PCDH9: variants seen among roughly 807,000 people sequenced by gnomAD.
The protein encoded by PCDH9 is protocadherin-9.
Under a neutral mutation model 70.6 loss-of-function variants are expected in PCDH9, and 24 were observed. The observed-to-expected ratio is 0.34, with a 90% CI of 0.25 to 0.48. The LOEUF is 0.48. Ranked by LOEUF, PCDH9 falls within the 20% of genes least tolerant of loss-of-function variation. The pLI is 0.99. For synonymous variants in PCDH9, 562 were observed against 558.5 expected, an observed-to-expected ratio of 1.01 and a Z score of -0.09; for missense variants, 1,281 against 1,503.6, an observed-to-expected ratio of 0.85 and a Z score of 2.45.
intron 2 of PCDH9, among the ~76,000 whole-genome samples, chr13:67,131,259 T>C (rs530020983): frequency 2.0e-5 from 3 of 152,240 alleles, no homozygotes; most frequent in Admixed American, 6.5e-5. Context: ...AATGTGAGGA[T>C]TGTAGAAGAG....
intron 2 of PCDH9, among the ~76,000 whole-genome samples, chr13:67,108,264 C>T (rs963308799): frequency 6.6e-6 from 1 of 152,120 alleles, no homozygotes; most frequent in Non-Finnish European, 1.5e-5. Context: ...AGGTTTCTGG[C>T]TGGCAAATTG....
intron 4 of PCDH9, among the ~76,000 whole-genome samples, chr13:66,381,056 C>CA (rs1000427644): frequency 1.1e-4 from 17 of 151,902 alleles, no homozygotes; most frequent in Admixed American, 1.1e-3. Context: ...TTACTCTTGT[C>CA]AAAAAAATAG....
chr13:66,685,541 C>T (rs983968117), intron 3 of PCDH9, among the ~76,000 whole-genome samples: 1 of 152,204 alleles, frequency 6.6e-6, no homozygotes, highest in Non-Finnish European at 1.5e-5. Flanking sequence ...CACAGAGTCC[C>T]CACTGGGGTA....
intron 4 of PCDH9, among the ~76,000 whole-genome samples, chr13:66,486,808 A>T (rs1226592867): frequency 2.0e-5 from 3 of 152,186 alleles, no homozygotes; most frequent in Non-Finnish European, 2.9e-5. Flanking sequence ...CAATCTGGCT[A>T]AAGGTTTATG....
intron 3 of PCDH9, among the ~76,000 whole-genome samples, chr13:66,662,890 C>T (rs9599126): frequency 0.036 from 5,408 of 152,258 alleles, 142 homozygotes; most frequent in East Asian, 0.066. Context: ...AATTGAAACA[C>T]TTCTATCATA....
intron 2 of PCDH9, among the ~76,000 whole-genome samples, chr13:66,989,104 G>T (rs968823180): frequency 8.6e-5 from 13 of 151,832 alleles, no homozygotes; most frequent in Non-Finnish European, 1.9e-4. Flanking sequence ...TTGGGGGCAG[G>T]AATTAAAGAT....
At chr13:67,130,439 A>T (rs17517286) in intron 2 of PCDH9, among the ~76,000 whole-genome samples, 1 of 152,086 alleles carries the variant, frequency 6.6e-6, no homozygotes, top group South Asian at 2.1e-4. Flanking sequence ...TCTAAAATCT[A>T]AAAAAGGTAT....
Position 66,700,917 on chromosome 13 carries a change from CATATAAATATATATATATATATAT to C in PCDH9, c.3139-69530_3139-69507del, listed in dbSNP as rs1256570504. 3.4e-3 allele frequency among the ~76,000 whole-genome samples: 174 copies of C among 51,772 alleles called. 3 individuals are homozygous for C. The highest frequency in any genetic ancestry group is 0.016 in the Middle Eastern group (1 of 62). The allele number at this position is 51,772 out of a possible 152,430, so 34.0% of individuals were successfully genotyped here. ...ATATATATGAAAATATATGTGTGTA[CATATAAATATATATATATATATAT>C]ATATATATATATATATATATATATA... On this transcript the variant is annotated intron_variant, in intron 3 of 4. Transcript: ENST00000377865.
chr13:66,559,178 T>A (rs1472984434), intron 4 of PCDH9, among the ~76,000 whole-genome samples: 1 of 152,196 alleles, frequency 6.6e-6, no homozygotes, highest in Non-Finnish European at 1.5e-5. Flanking sequence ...AACCTTCTAG[T>A]GACTAACTTA....
rs2080416391 is a variant in PCDH9 at position 66,806,715 on chromosome 13, GATA to G, written c.3138+96786_3138+96788del. Among the ~76,000 whole-genome samples the G allele has an allele frequency of 2.0e-5, 3 of 152,240 alleles. No homozygotes were observed. The South Asian group carries it at 6.2e-4, about 32-fold the overall frequency. ...CTCTAAGTTCGGTATGTAAAATTGG[GATA>G]ATAATATTTCCCCTACTGTGCTGTA... On this transcript the variant is annotated intron_variant, in intron 3 of 4. Coordinates refer to ENST00000377865, the MANE Select transcript of PCDH9 (RefSeq NM_203487.3).
intron 3 of PCDH9, among the ~76,000 whole-genome samples, chr13:66,733,387 T>C (rs1294397785): frequency 1.3e-5 from 2 of 152,150 alleles, no homozygotes; most frequent in Non-Finnish European, 2.9e-5. Context: ...GTTAATTATT[T>C]AGATCACCTT....
chr13:66,796,395 C>T (rs1417367375), intron 3 of PCDH9, among the ~76,000 whole-genome samples: 1 of 152,156 alleles, frequency 6.6e-6, no homozygotes, highest in Non-Finnish European at 1.5e-5. Context: ...AGTGGTGTTA[C>T]TTATACCTAA....
intron 4 of PCDH9, among the ~76,000 whole-genome samples, chr13:66,394,216 G>C (rs1400540103): frequency 6.6e-6 from 1 of 152,068 alleles, no homozygotes; most frequent in East Asian, 1.9e-4. Flanking sequence ...AATTCTAAAG[G>C]TACCCTTCCA....
At chr13:67,012,630 G>C (rs1234094971) in intron 2 of PCDH9, among the ~76,000 whole-genome samples, 1 of 151,902 alleles carries the variant, frequency 6.6e-6, no homozygotes, top group Non-Finnish European at 1.5e-5. Flanking sequence ...TGGTTAGTGA[G>C]TCGCATTTTT....
In PCDH9 at chr13:67,023,191, T is replaced by A. The variant is rs1379623519; in HGVS notation, c.3037-119586A>T. On this transcript the variant is annotated intron_variant, in intron 2 of 4. Transcript: ENST00000377865. ...TAGCCTTCATAGCTTTGAGCCGTTCTTTTAGAAGAATATTTGTTTACAGTT... is the reference window on the plus strand; with the variant it reads ...TAGCCTTCATAGCTTTGAGCCGTTCATTTAGAAGAATATTTGTTTACAGTT... 2.6e-5 allele frequency among the ~76,000 whole-genome samples: 4 copies of A among 152,164 alleles called. No individual in the cohort carries two copies. The East Asian group carries it at 5.8e-4, about 22-fold the overall frequency.
At chr13:66,616,784 C>T (rs1330584399) in intron 4 of PCDH9, among the ~76,000 whole-genome samples, 5 of 152,124 alleles carry the variant, frequency 3.3e-5, no homozygotes, top group Non-Finnish European at 7.4e-5. Flanking sequence ...GAGTGTGTCA[C>T]AAGAAATCCT....
At chr13:66,551,085 T>A (rs898322276) in intron 4 of PCDH9, among the ~76,000 whole-genome samples, 8 of 152,132 alleles carry the variant, frequency 5.3e-5, no homozygotes, top group Non-Finnish European at 1.2e-4. Flanking sequence ...TTTTTTTAAT[T>A]TCTCATTTTC....
At chr13:66,933,396 AT>A (rs1430644639) in intron 2 of PCDH9, among the ~76,000 whole-genome samples, 3 of 152,182 alleles carry the variant, frequency 2.0e-5, no homozygotes, top group African/African-American at 7.2e-5. Context: ...AATAGGAAAG[AT>A]TAAGATGACT....
At chr13:66,821,921 T>C (rs1454317161) in intron 3 of PCDH9, among the ~76,000 whole-genome samples, 1 of 152,226 alleles carries the variant, frequency 6.6e-6, no homozygotes, top group Non-Finnish European at 1.5e-5. Flanking sequence ...GTGATTTTTA[T>C]GTCAACTGAC....
Sources: allele counts gnomAD v4.1 joint callset (sites outside exome capture counted in the v4.1 genomes callset), GRCh38; gene constraint gnomAD v4.1.1; transcripts MANE v1.5; gene names NCBI Gene and HGNC (gene_info 2026-07-23, HGNC 2026-07-21).